The following PCDHGB4 variants were observed in gnomAD, a reference collection of about 807,000 sequenced individuals.
The protein encoded by PCDHGB4 is protocadherin gamma subfamily B, 4, also known as protocadherin gamma-B4.
A neutral mutation model predicts 60.5 loss-of-function variants in PCDHGB4; 38 were observed. The ratio of observed to expected loss-of-function variants is 0.63; its 90% CI spans 0.48 to 0.82. The LOEUF is 0.82. PCDHGB4 is among the 40% of genes least tolerant of loss of function. The pLI, the probability that PCDHGB4 is intolerant of heterozygous loss-of-function variation, is 0.00. For missense variants in PCDHGB4, 1,109 were observed against 1,209.6 expected, an observed-to-expected ratio of 0.92 and a Z score of 1.23; for synonymous variants, 456 against 509.7, an observed-to-expected ratio of 0.89 and a Z score of 1.42.
In PCDHGB4 at chr5:141,489,662, G is replaced by C; in HGVS notation, c.2398-5145G>C. 8.1e-6 allele frequency: 13 copies of C among 1,614,144 alleles called. No individual in the cohort carries two copies. The highest frequency in any genetic ancestry group is 1.1e-5 in the Non-Finnish European group (13 of 1,180,010). On this transcript the variant is annotated intron_variant, in intron 1 of 3. Coordinates refer to ENST00000519479, the MANE Select transcript of PCDHGB4 (RefSeq NM_003736.4). This position sits in a 1 kb window ranked among gnomAD's most constrained non-coding sequence, Gnocchi z 4.5. The stretch of plus-strand genomic sequence containing the variant: ...TTTGCCACCCCTGAGCGAGAGATGC[G>C]CATCTCAGAATCAGCAGCATCTGGG...
chr5:141,452,387 G>A (rs1052689230), intron 1 of PCDHGB4, among the ~76,000 whole-genome samples: 5 of 152,146 alleles, frequency 3.3e-5, no homozygotes, highest in African/African-American at 1.2e-4. Context: ...ATAGTATTTA[G>A]AAACTAAGAT....
At chr5:141,448,220 G>A (rs750470070) in intron 1 of PCDHGB4, among the ~76,000 whole-genome samples, 9 of 152,148 alleles carry the variant, frequency 5.9e-5, no homozygotes, top group Non-Finnish European at 1.0e-4. Flanking sequence ...GTATGCGAAT[G>A]TATGTGTGGG....
rs551330964 is a variant in PCDHGB4, at chr5:141,388,155, G to T, written c.271G>T (p.Asp91Tyr). The change falls in exon 1 of 4, where the codon GAC becomes TAC. Residue 91 changes from aspartate (D) to tyrosine (Y), a missense_variant. Asp to Tyr is a radical substitution (Grantham distance 160, BLOSUM62 -3). This residue lies in a region of PCDHGB4 where 1,068 missense variants were observed against 1,089.9 expected (regional missense o/e 0.98). Coordinates refer to ENST00000519479, the MANE Select transcript of PCDHGB4 (RefSeq NM_003736.4). ...SGELLVSSRL[D>Y]REEICGKKPA... is the part of the protein sequence containing the mutation. ...GGAGTTGCTTGTGAGCAGCAGGCTA[G>T]ACAGGGAGGAGATATGCGGGAAGAA... is the stretch of plus-strand genomic sequence containing the variant. The T allele has an allele frequency of 1.2e-5, 18 of 1,469,902 alleles. No homozygotes were observed. The African/African-American group carries it at 2.5e-4, about 21-fold the overall frequency. 91.1% of individuals were successfully genotyped at this position (1,469,902 alleles called of 1,614,324 possible). A position where few individuals can be genotyped will look rare whatever the true frequency, so the allele number is the denominator to read the frequency against.
At chr5:141,406,515 T>C (rs2094818414) in intron 1 of PCDHGB4, among the ~76,000 whole-genome samples, 1 of 152,234 alleles carries the variant, frequency 6.6e-6, no homozygotes, top group Non-Finnish European at 1.5e-5. Context: ...TGTTTGTGTT[T>C]ACAGATATTT....
intron 1 of PCDHGB4, chr5:141,426,692 C>T: frequency 2.3e-6 from 1 of 435,472 alleles, no homozygotes; most frequent in Non-Finnish European, 4.7e-6. Flanking sequence ...CCCAAAATAG[C>T]ATTGTTTTAC....
At chr5:141,400,259 T>A (rs2150848027) in intron 1 of PCDHGB4, 2 of 1,614,016 alleles carry the variant, frequency 1.2e-6, no homozygotes, top group Non-Finnish European at 1.7e-6. Flanking sequence ...GCCTTGCGCC[T>A]GCGACGCTCC....
chr5:141,504,755 T>A (rs953075905), intron 2 of PCDHGB4, among the ~76,000 whole-genome samples: 13 of 151,824 alleles, frequency 8.6e-5, no homozygotes, highest in Non-Finnish European at 1.5e-5. Flanking sequence ...ATTTTAGAAA[T>A]TTCTTCTCCC....
At chr5:141,508,903 G>A (rs1410291297) in intron 3 of PCDHGB4, among the ~76,000 whole-genome samples, 1 of 152,086 alleles carries the variant, frequency 6.6e-6, no homozygotes, top group East Asian at 1.9e-4. Flanking sequence ...GGGCGGGGCG[G>A]TGGCGGATCT....
At position 141,486,641 on chromosome 5, in the gene PCDHGB4, A is replaced by C; in HGVS notation, c.2398-8166A>C. On this transcript the variant is annotated intron_variant, in intron 1 of 3. Transcript: ENST00000519479. The surrounding 1 kb of genome is among the most constrained non-coding windows in gnomAD (Gnocchi z 5.0). ...CCCAGACTCTGGCTTGAATGCGCTTATCTCCTACTCACTCCTGGAGCCCAG... is the reference window on the plus strand; with the variant it reads ...CCCAGACTCTGGCTTGAATGCGCTTCTCTCCTACTCACTCCTGGAGCCCAG... 6.2e-7 allele frequency: 1 copy of C among 1,613,734 alleles called. No individual in the cohort carries two copies. The highest frequency in any genetic ancestry group is 1.6e-4 in the Middle Eastern group (1 of 6,062).
At chr5:141,479,206 T>C (rs987807222) in intron 1 of PCDHGB4, 3 of 152,400 alleles carry the variant, frequency 2.0e-5, no homozygotes, top group African/African-American at 7.2e-5. Context: ...CAGAAAAGTA[T>C]TTAAAAAATT....
At chr5:141,483,100 G>A (rs1051736065) in intron 1 of PCDHGB4, among the ~76,000 whole-genome samples, 11 of 152,078 alleles carry the variant, frequency 7.2e-5, no homozygotes, top group South Asian at 2.1e-4. Flanking sequence ...AAAAGTGTGC[G>A]TGTAAAACAG....
intron 1 of PCDHGB4, among the ~76,000 whole-genome samples, chr5:141,456,940 G>A (rs1284610928): frequency 6.6e-6 from 1 of 152,138 alleles, no homozygotes; most frequent in Non-Finnish European, 1.5e-5. Context: ...TCCAGCCTGG[G>A]CAACAGAGCA....
intron 1 of PCDHGB4, chr5:141,413,652 G>A: frequency 6.2e-7 from 1 of 1,613,780 alleles, no homozygotes; most frequent in Non-Finnish European, 8.5e-7. Context: ...TTCCTCTCCC[G>A]GAAGCTATTG....
At chr5:141,426,876 C>T (rs796453479) in intron 1 of PCDHGB4, 2 of 456,726 alleles carry the variant, frequency 4.4e-6, no homozygotes, top group African/African-American at 2.0e-5. Context: ...GGAGAAGCCC[C>T]TGGGCCAGGA....
chr5:141,433,406 TTA>T (rs2097606059), intron 1 of PCDHGB4, among the ~76,000 whole-genome samples: 1 of 149,982 alleles, frequency 6.7e-6, no homozygotes. Flanking sequence ...TATCTATCTA[TTA>T]CTTTCTTGTA....
intron 1 of PCDHGB4, chr5:141,422,819 TGA>T (rs766395950): frequency 1.9e-5 from 31 of 1,614,068 alleles, no homozygotes; most frequent in Middle Eastern, 1.6e-4. Flanking sequence ...GACTTAGAAC[TGA>T]GAGTGATAGC....
At chr5:141,438,631 TATATACACAC>T (rs1330021858) in intron 1 of PCDHGB4, among the ~76,000 whole-genome samples, 2,835 of 42,824 alleles carry the variant, frequency 0.066, 23 homozygotes, top group African/African-American at 0.13. Flanking sequence ...TATATATATA[TATATACACAC>T]ACACACACAC....
chr5:141,432,482 G>T lies in PCDHGB4; in HGVS notation c.2397+42201G>T, dbSNP rs768206517. 2.5e-6 allele frequency: 4 copies of T among 1,614,060 alleles called. No individual in the cohort carries two copies. Among genetic ancestry groups the T allele is most frequent in the Non-Finnish European group, 3.4e-6 (4 of 1,180,052 alleles). ...CCTCCCCACGGACGGTTCCACTGGC[G>T]TGGAGCTGGCTCCCCGCTCCGCAGA... On this transcript the variant is annotated intron_variant, in intron 1 of 3. Transcript: ENST00000519479. The surrounding 1 kb of genome is among the most constrained non-coding windows in gnomAD (Gnocchi z 6.0).
intron 1 of PCDHGB4, chr5:141,427,048 C>T (rs1257232583): frequency 4.4e-6 from 2 of 457,350 alleles, no homozygotes; most frequent in South Asian, 1.5e-5. Context: ...AATGTGCCCC[C>T]AGGCACCTCT....
Sources: gnomAD v4.1 joint callset for allele counts (sites outside exome capture counted in the v4.1 genomes callset) on GRCh38, gnomAD v4.1.1 for gene constraint, gnomAD v4.1.1 regional missense constraint, Gnocchi (gnomAD v3.1) non-coding constraint, MANE v1.5 for transcripts, NCBI Gene and HGNC (gene_info 2026-07-23, HGNC 2026-07-21) for gene names.